Variants in EYA2 observed in about 807,000 individuals in gnomAD.
EYA2 encodes protein phosphatase EYA2.
In EYA2, 31 loss-of-function variants were observed where a neutral mutation model predicts 69.2. The observed-to-expected ratio is 0.45, with a 90% CI of 0.34 to 0.60. The LOEUF (loss-of-function observed/expected upper bound fraction) is 0.60. Among genes scored for constraint, EYA2 ranks in the 20% least tolerant of loss-of-function variants. The pLI is 0.02. For synonymous variants in EYA2, 257 were observed against 279.4 expected, an observed-to-expected ratio of 0.92 and a Z score of 0.80; for missense variants, 622 against 701.2, an observed-to-expected ratio of 0.89 and a Z score of 1.28.
chr20:47,138,954 A>ACAGCTCAAT (rs2033536780), intron 9 of EYA2, among the ~76,000 whole-genome samples: 2 of 152,194 alleles, frequency 1.3e-5, no homozygotes, highest in Non-Finnish European at 2.9e-5. Flanking sequence ...AATAACATAC[A>ACAGCTCAAT]GTACATAGTA....
chr20:47,170,836 G>C (rs2034303503), intron 11 of EYA2, among the ~76,000 whole-genome samples: 2 of 152,212 alleles, frequency 1.3e-5, no homozygotes, highest in African/African-American at 4.8e-5. Context: ...TACGGGATCA[G>C]TCATTGTAAC....
chr20:47,114,507 C>T (rs2032839065), intron 9 of EYA2, among the ~76,000 whole-genome samples: 1 of 152,114 alleles, frequency 6.6e-6, no homozygotes, highest in Non-Finnish European at 1.5e-5. Context: ...CCCAGCTACT[C>T]AGGAGGCTGA....
intron 7 of EYA2, among the ~76,000 whole-genome samples, chr20:47,088,931 C>T (rs921067553): frequency 7.9e-5 from 12 of 152,198 alleles, no homozygotes; most frequent in African/African-American, 2.9e-4. Flanking sequence ...TGTATGCTTA[C>T]TTGTCGATGT....
chr20:46,965,439 C>T (rs1360617298), intron 1 of EYA2, among the ~76,000 whole-genome samples: 5 of 152,244 alleles, frequency 3.3e-5, no homozygotes, highest in Non-Finnish European at 5.9e-5. Context: ...CCAGGCACCC[C>T]AGGGCACAGA....
intron 9 of EYA2, among the ~76,000 whole-genome samples, chr20:47,139,028 A>T (rs552367577): frequency 1.3e-5 from 2 of 152,236 alleles, no homozygotes; most frequent in Non-Finnish European, 2.9e-5. Context: ...CTGTTAATAC[A>T]TGGAGATCTG....
At chr20:47,089,601 G>A (rs1017638816) in intron 8 of EYA2, among the ~76,000 whole-genome samples, 3 of 152,256 alleles carry the variant, frequency 2.0e-5, no homozygotes, top group Non-Finnish European at 2.9e-5. Context: ...CACCTGGGGG[G>A]TGGGGGATGG....
At chr20:47,181,512 G>A (rs1037362166) in intron 14 of EYA2, among the ~76,000 whole-genome samples, 1 of 152,078 alleles carries the variant, frequency 6.6e-6, no homozygotes, top group Non-Finnish European at 1.5e-5. Flanking sequence ...AGGGAAGCTG[G>A]GAAATGTAGT....
At chr20:47,187,380 A>G (rs1267020876) in intron 15 of EYA2, among the ~76,000 whole-genome samples, 1 of 151,968 alleles carries the variant, frequency 6.6e-6, no homozygotes, top group Non-Finnish European at 1.5e-5. Flanking sequence ...AAAAAACTCC[A>G]CATCATGACA....
chr20:47,081,348 T>G (rs990766216), intron 7 of EYA2, among the ~76,000 whole-genome samples: 1 of 152,118 alleles, frequency 6.6e-6, no homozygotes, highest in Non-Finnish European at 1.5e-5. Context: ...ATAAAAAATA[T>G]GTGAATGTTA....
At chr20:47,038,730 A>C (rs796379374) in intron 5 of EYA2, among the ~76,000 whole-genome samples, 35 of 152,158 alleles carry the variant, frequency 2.3e-4, no homozygotes, top group African/African-American at 8.4e-4. Flanking sequence ...CATCTTGCCA[A>C]ACTGAAACTA....
intron 1 of EYA2, among the ~76,000 whole-genome samples, chr20:46,902,225 A>G (rs1302669116): frequency 6.6e-6 from 1 of 152,186 alleles, no homozygotes; most frequent in Non-Finnish European, 1.5e-5. Flanking sequence ...CCTTGCTGTC[A>G]TTCCTTTGTG....
chr20:47,172,882 C>A lies in EYA2; in HGVS notation c.1198+15C>A. 1.3e-6 allele frequency: 2 copies of A among 1,593,776 alleles called. No individual in the cohort carries two copies. The highest frequency in any genetic ancestry group is 3.5e-5 in the Admixed American group (2 of 57,928). ...CAACGTTGGTGGTGAGTACTGTGAGCCTTGGGCCTCCGAGGAAGGGAAACT... is the reference window on the plus strand; with the variant it reads ...CAACGTTGGTGGTGAGTACTGTGAGACTTGGGCCTCCGAGGAAGGGAAACT... On this transcript the variant is annotated intron_variant, in intron 12 of 15. Transcript: ENST00000327619.
At chr20:47,140,336 C>T (rs779029012) in intron 9 of EYA2, among the ~76,000 whole-genome samples, 7 of 152,132 alleles carry the variant, frequency 4.6e-5, no homozygotes, top group Non-Finnish European at 7.3e-5. Flanking sequence ...CTTTGGCTCT[C>T]GGGGCCTTGA....
chr20:46,960,608 C>G lies in EYA2; in HGVS notation c.-10-29393C>G, dbSNP rs371123988. Among the ~76,000 whole-genome samples, 18 of 152,262 alleles carry G rather than the reference C, an allele frequency of 1.2e-4. No individual in the cohort carries two copies. The South Asian group carries it at 3.7e-3, about 32-fold the overall frequency. On this transcript the variant is annotated intron_variant, in intron 1 of 15. Coordinates refer to ENST00000327619, the MANE Select transcript of EYA2 (RefSeq NM_005244.5). ...CTCTGCTCTAGTGCAGGGGAGGAGG[C>G]AAACCATGTCTCATAGGCCAAATCC...
Position 47,010,039 on chromosome 20 carries a change from C to T in EYA2, c.298+4955C>T, listed in dbSNP as rs562495693. Among the ~76,000 whole-genome samples the T allele has an allele frequency of 2.0e-5, 3 of 152,276 alleles. No homozygotes were observed. The South Asian group carries it at 6.2e-4, about 32-fold the overall frequency. On this transcript the variant is annotated intron_variant, in intron 4 of 15. Coordinates refer to ENST00000327619, the MANE Select transcript of EYA2 (RefSeq NM_005244.5). ...TTGATGGCACCATAACTTACTTACC[C>T]ATTCTTTAGACAGTCTTTTAGGGCT...
intron 1 of EYA2, among the ~76,000 whole-genome samples, chr20:46,947,288 G>GTT (rs78457445): frequency 2.1e-5 from 3 of 145,222 alleles, no homozygotes; most frequent in African/African-American, 2.5e-5. Flanking sequence ...TGGAATCTAA[G>GTT]TTTTTTTTTT....
chr20:46,984,302 GACTA>G lies in EYA2; in HGVS notation c.-10-5697_-10-5694del, dbSNP rs1981033315. On this transcript the variant is annotated intron_variant, in intron 1 of 15. Coordinates refer to ENST00000327619, the MANE Select transcript of EYA2 (RefSeq NM_005244.5). Reference sequence around the variant, plus strand: ...AAATAAAGAAAACAGACAAATGAAAGACTAAGAGAAGAAATTTACAGCATTCGAA... The same window carrying G: ...AAATAAAGAAAACAGACAAATGAAAGAGAGAAGAAATTTACAGCATTCGAA... 1.3e-5 allele frequency among the ~76,000 whole-genome samples: 2 copies of G among 151,410 alleles called. 1 individual carries two copies. The highest frequency in any genetic ancestry group is 4.9e-5 in the African/African-American group (2 of 41,194).
At position 47,154,817 on chromosome 20, in the gene EYA2, TTTTGTGTGTGTGTGTGTG is replaced by T. The variant is rs1179566574; in HGVS notation, c.978+11671_978+11688del. Among the ~76,000 whole-genome samples the T allele has an allele frequency of 5.8e-3, 505 of 87,046 alleles. 6 individuals are homozygous for T. The highest frequency in any genetic ancestry group is 0.023 in the African/African-American group (459 of 19,802). The allele number at this position is 87,046 out of a possible 152,430, so 57.1% of individuals were successfully genotyped here. A position where few individuals can be genotyped will look rare whatever the true frequency, so the allele number is the denominator to read the frequency against. On this transcript the variant is annotated intron_variant, in intron 10 of 15. Coordinates refer to ENST00000327619, the MANE Select transcript of EYA2 (RefSeq NM_005244.5). ...TCTGATTTTGTTTTTGTTTATTTTGTTTTGTGTGTGTGTGTGTGTGTGTGTGTGTGTGTGTGTGTGTGT... is the reference window on the plus strand; with the variant it reads ...TCTGATTTTGTTTTTGTTTATTTTGTTGTGTGTGTGTGTGTGTGTGTGTGT...
intron 1 of EYA2, chr20:46,979,382 C>G (rs1980675000): frequency 6.6e-6 from 1 of 152,328 alleles, no homozygotes; most frequent in Admixed American, 6.5e-5. Flanking sequence ...GAGGGTGTTC[C>G]TGAATGCCTC....
Sources: gnomAD v4.1 joint callset for allele counts (sites outside exome capture counted in the v4.1 genomes callset) on GRCh38, gnomAD v4.1.1 for gene constraint, MANE v1.5 for transcripts, NCBI Gene and HGNC (gene_info 2026-07-23, HGNC 2026-07-21) for gene names.